The following SLC35F1 variants were observed in gnomAD, a reference collection of about 807,000 sequenced individuals.
SLC35F1 encodes solute carrier family 35 member F1, also known as chromosome 6 open reading frame 169.
Under a neutral mutation model 48.7 loss-of-function variants are expected in SLC35F1, and 14 were observed. That is an observed-to-expected ratio of 0.29 (90% CI 0.19 to 0.45). The LOEUF (loss-of-function observed/expected upper bound fraction) is 0.45, where lower values mean the gene tolerates loss of function less well. Ranked by LOEUF, SLC35F1 falls within the 20% of genes least tolerant of loss-of-function variation. The pLI, the probability that SLC35F1 is intolerant of heterozygous loss-of-function variation, is 1.00. For missense variants in SLC35F1, 404 were observed against 500.0 expected, an observed-to-expected ratio of 0.81 and a Z score of 1.83; for synonymous variants, 190 against 202.2, an observed-to-expected ratio of 0.94 and a Z score of 0.51.
intron 3 of SLC35F1, among the ~76,000 whole-genome samples, chr6:118,238,630 A>T (rs1421558755): frequency 6.6e-6 from 1 of 151,896 alleles, no homozygotes; most frequent in Non-Finnish European, 1.5e-5. Flanking sequence ...GGCTCCTCTC[A>T]TGGTCATGAG....
chr6:118,205,842 T>A (rs948629849), intron 2 of SLC35F1, among the ~76,000 whole-genome samples: 1 of 152,228 alleles, frequency 6.6e-6, no homozygotes, highest in Non-Finnish European at 1.5e-5. Flanking sequence ...CAATATGGAC[T>A]ACCCTTGAAA....
intron 1 of SLC35F1, among the ~76,000 whole-genome samples, chr6:117,978,706 A>G (rs566865734): frequency 6.6e-6 from 1 of 152,162 alleles, no homozygotes; most frequent in Non-Finnish European, 1.5e-5. Flanking sequence ...ATTTAAGGCT[A>G]CCTTGAGCCC....
At chr6:118,229,854 G>A (rs943242114) in intron 2 of SLC35F1, among the ~76,000 whole-genome samples, 1 of 152,158 alleles carries the variant, frequency 6.6e-6, no homozygotes, top group Admixed American at 6.5e-5. Context: ...CAGATGCTTA[G>A]CAAAATTAGA....
chr6:118,059,033 T>C lies in SLC35F1; in HGVS notation c.174-95412T>C, dbSNP rs9374705. 5.6e-4 allele frequency among the ~76,000 whole-genome samples: 86 copies of C among 152,310 alleles called. 1 individual carries two copies. In the East Asian group the frequency reaches 0.013, roughly 23 times the overall value. ...TCATTTTAAGAATAATTTAATTAGT[T>C]ATTCAGGATATGGAAAGACATATAC... is the stretch of plus-strand genomic sequence containing the variant. On this transcript the variant is annotated intron_variant, in intron 1 of 7. Coordinates refer to ENST00000360388, the MANE Select transcript of SLC35F1 (RefSeq NM_001029858.4).
At chr6:118,080,813 A>G (rs958739361) in intron 1 of SLC35F1, among the ~76,000 whole-genome samples, 2 of 152,170 alleles carry the variant, frequency 1.3e-5, no homozygotes, top group African/African-American at 4.8e-5. Flanking sequence ...AGCATTTCCA[A>G]TGTCTTCAGC....
chr6:118,188,270 C>T (rs951990914), intron 2 of SLC35F1, among the ~76,000 whole-genome samples: 2 of 152,188 alleles, frequency 1.3e-5, no homozygotes, highest in Non-Finnish European at 2.9e-5. Flanking sequence ...AAAAACTAGG[C>T]CAGGCACGGT....
intron 3 of SLC35F1, among the ~76,000 whole-genome samples, chr6:118,257,291 A>T (rs1447007111): frequency 1.3e-5 from 2 of 152,190 alleles, no homozygotes; most frequent in Non-Finnish European, 2.9e-5. Context: ...ATGCTTTAAA[A>T]GAAAACTAAA....
chr6:118,116,861 T>C (rs1196524136), intron 1 of SLC35F1, among the ~76,000 whole-genome samples: 3 of 152,180 alleles, frequency 2.0e-5, no homozygotes, highest in African/African-American at 7.2e-5. Context: ...AAGCTCAGTA[T>C]TGAGTGACGC....
chr6:118,029,255 G>T (rs1021149132), intron 1 of SLC35F1, among the ~76,000 whole-genome samples: 1 of 152,114 alleles, frequency 6.6e-6, no homozygotes, highest in Non-Finnish European at 1.5e-5. Flanking sequence ...CAGTGGGGAA[G>T]AAAGGAAAAA....
intron 1 of SLC35F1, among the ~76,000 whole-genome samples, chr6:118,016,930 TGTG>T (rs1777330479): frequency 6.6e-6 from 1 of 152,236 alleles, no homozygotes; most frequent in African/African-American, 2.4e-5. Flanking sequence ...AAAATCCTCT[TGTG>T]GTGAAATTGC....
chr6:118,254,891 G>T (rs1407141749), intron 3 of SLC35F1, among the ~76,000 whole-genome samples: 2 of 152,040 alleles, frequency 1.3e-5, no homozygotes, highest in Non-Finnish European at 2.9e-5. Flanking sequence ...AAATACCCAA[G>T]GTAGCCACAC....
intron 1 of SLC35F1, among the ~76,000 whole-genome samples, chr6:118,051,785 G>A (rs780954804): frequency 2.0e-5 from 3 of 152,142 alleles, no homozygotes; most frequent in Non-Finnish European, 2.9e-5. Context: ...TTTCTTGCAG[G>A]AGGGATGCTG....
intron 1 of SLC35F1, among the ~76,000 whole-genome samples, chr6:118,150,598 G>T (rs991326099): frequency 2.6e-5 from 4 of 152,064 alleles, no homozygotes; most frequent in African/African-American, 9.7e-5. Flanking sequence ...GTCCCAAAGA[G>T]ATGCACTCCA....
intron 1 of SLC35F1, among the ~76,000 whole-genome samples, chr6:117,945,744 C>T (rs1047645751): frequency 4.6e-5 from 7 of 152,164 alleles, no homozygotes; most frequent in Non-Finnish European, 7.3e-5. Context: ...GTCTTCACAG[C>T]AGGATTGAAG....
intron 2 of SLC35F1, among the ~76,000 whole-genome samples, chr6:118,159,145 T>C (rs182258): frequency 0.77 from 113,934 of 148,070 alleles, 43,609 homozygotes; most frequent in African/African-American, 0.85. Context: ...GGCGTGAACC[T>C]GGGAGGCAGA....
At chr6:118,125,380 G>A (rs897300911) in intron 1 of SLC35F1, among the ~76,000 whole-genome samples, 4 of 149,724 alleles carry the variant, frequency 2.7e-5, no homozygotes, top group Non-Finnish European at 5.9e-5. Context: ...GTATTTTGGG[G>A]GGGGGGATCA....
At chr6:118,079,820 G>A (rs1197638818) in intron 1 of SLC35F1, among the ~76,000 whole-genome samples, 1 of 152,138 alleles carries the variant, frequency 6.6e-6, no homozygotes, top group Non-Finnish European at 1.5e-5. Context: ...TGAGAGGGAT[G>A]AGCTGAGACA....
At chr6:118,096,976 A>G (rs548662680) in intron 1 of SLC35F1, among the ~76,000 whole-genome samples, 85 of 152,164 alleles carry the variant, frequency 5.6e-4, no homozygotes, top group African/African-American at 2.0e-3. Context: ...CCTCTTCTTC[A>G]TCTTCTTTAC....
At chr6:118,193,677 C>T (rs933289212) in intron 2 of SLC35F1, among the ~76,000 whole-genome samples, 1 of 152,010 alleles carries the variant, frequency 6.6e-6, no homozygotes, top group Non-Finnish European at 1.5e-5. Flanking sequence ...TGGTGAAAAA[C>T]CTGGTAAGTT....
Sources: allele counts gnomAD v4.1 joint callset (sites outside exome capture counted in the v4.1 genomes callset), GRCh38; gene constraint gnomAD v4.1.1; transcripts MANE v1.5; gene names NCBI Gene and HGNC (gene_info 2026-07-23, HGNC 2026-07-21).